The following UNC13C variants were observed in gnomAD, a reference collection of about 807,000 sequenced individuals.
UNC13C encodes unc-13 homolog C, also known as protein unc-13 homolog C.
A neutral mutation model predicts 245.4 loss-of-function variants in UNC13C; 174 were observed. The observed-to-expected ratio is 0.71, with a 90% CI of 0.63 to 0.80. The LOEUF (loss-of-function observed/expected upper bound fraction) is 0.80. Among genes scored for constraint, UNC13C ranks in the 30% least tolerant of loss-of-function variants. The pLI, the probability that UNC13C is intolerant of heterozygous loss-of-function variation, is 0.00. For synonymous variants in UNC13C, 992 were observed against 895.1 expected (o/e 1.11, Z -1.93); for missense variants, 2,829 against 2,602.9 (o/e 1.09, Z -1.89).
chr15:54,041,149 T>C (rs1297203617), intron 2 of UNC13C, among the ~76,000 whole-genome samples: 1 of 152,240 alleles, frequency 6.6e-6, no homozygotes, highest in Non-Finnish European at 1.5e-5. Flanking sequence ...AATGAATACC[T>C]TTCTATATTT....
chr15:53,910,872 C>T, the UNC13C span: 1 of 121,928 alleles, frequency 8.2e-6, no homozygotes, highest in Non-Finnish European at 2.0e-5. Flanking sequence ...TCAACATGAC[C>T]TTTGGCGTAG....
intron 4 of UNC13C, among the ~76,000 whole-genome samples, chr15:54,157,961 C>A (rs1295855269): frequency 6.6e-6 from 1 of 152,132 alleles, no homozygotes; most frequent in Non-Finnish European, 1.5e-5. Flanking sequence ...AGAAAATGTA[C>A]AGATTCAAGC....
At chr15:54,495,659 TAG>T (rs1893915663) in intron 20 of UNC13C, among the ~76,000 whole-genome samples, 2 of 152,118 alleles carry the variant, frequency 1.3e-5, no homozygotes, top group South Asian at 4.1e-4. Flanking sequence ...ATAAAATTAA[TAG>T]AAAGTAATAT....
At chr15:53,920,925 A>T in the UNC13C span, among the ~76,000 whole-genome samples, 1 of 151,538 alleles carries the variant, frequency 6.6e-6, no homozygotes, top group Non-Finnish European at 1.5e-5. Context: ...CCACAACAAT[A>T]AGAGGTGCAT....
At position 54,250,307 on chromosome 15, in the gene UNC13C, C is replaced by T. The variant is rs563857639; in HGVS notation, c.3311C>T (p.Thr1104Met). 1.4e-5 allele frequency: 23 copies of T among 1,613,908 alleles called. No homozygotes were observed. The highest frequency in any genetic ancestry group is 4.4e-5 in the South Asian group (4 of 91,076). ...ATCCCACACAATTTTGAGGTCTGGACGGCTACCACACCCACCTACTGTTAT... is the reference window on the plus strand; with the variant it reads ...ATCCCACACAATTTTGAGGTCTGGATGGCTACCACACCCACCTACTGTTAT... Reference protein sequence around the residue: ...STIPHNFEVWTATTPTYCYEC... With the variant: ...STIPHNFEVWMATTPTYCYEC... The change falls in exon 8 of 33, where the codon ACG (threonine) becomes ATG (methionine). Residue 1104 changes from threonine (T) to methionine (M), a missense_variant. Thr to Met is a moderately conservative substitution (Grantham distance 81). Coordinates refer to ENST00000260323, the MANE Select transcript of UNC13C (RefSeq NM_001080534.3).
At chr15:53,938,839 T>C in the UNC13C span, among the ~76,000 whole-genome samples, 11 of 152,164 alleles carry the variant, frequency 7.2e-5, no homozygotes, top group East Asian at 1.2e-3. Context: ...ATCTCTGGTA[T>C]ACAACTAAAG....
intron 2 of UNC13C, among the ~76,000 whole-genome samples, chr15:54,116,072 A>G (rs1236853155): frequency 1.3e-5 from 2 of 152,156 alleles, no homozygotes; most frequent in Non-Finnish European, 2.9e-5. Context: ...CAGTGGTAAT[A>G]AATACATTTA....
chr15:54,178,225 A>G (rs1211588640), intron 4 of UNC13C, among the ~76,000 whole-genome samples: 1 of 152,054 alleles, frequency 6.6e-6, no homozygotes, highest in African/African-American at 2.4e-5. Flanking sequence ...TTTGAAACAG[A>G]TCTGTTTGTT....
At chr15:54,173,761 A>T (rs2033506466) in intron 4 of UNC13C, among the ~76,000 whole-genome samples, 1 of 152,134 alleles carries the variant, frequency 6.6e-6, no homozygotes, top group Non-Finnish European at 1.5e-5. Flanking sequence ...AATAGAAGTG[A>T]TGACAATGGA....
At position 54,015,039 on chromosome 15, in the gene UNC13C, C is replaced by T. The variant is rs567068067; in HGVS notation, c.2136C>T (p.Tyr712=). 93 of 1,613,036 alleles carry T rather than the reference C, an allele frequency of 5.8e-5. No individual in the cohort carries two copies. Among genetic ancestry groups the T allele is most frequent in the South Asian group, 9.9e-5 (9 of 90,956 alleles). Residue 712 remains tyrosine (Y), a synonymous_variant, in exon 2 of 33, where the codon TAC becomes TAT. Coordinates refer to ENST00000260323, the MANE Select transcript of UNC13C (RefSeq NM_001080534.3). ...HSDLQDDSES[Y]DLTQDDNSSP... ...ATCTTCAAGATGACTCAGAGAGCTA[C>T]GACTTAACTCAAGATGACAATTCTT... is the stretch of plus-strand genomic sequence containing the variant.
chr15:54,618,958 G>A (rs1043857387), intron 30 of UNC13C, among the ~76,000 whole-genome samples: 2 of 152,116 alleles, frequency 1.3e-5, no homozygotes, highest in Non-Finnish European at 2.9e-5. Flanking sequence ...AACATACAGG[G>A]AAATTTAAAA....
the UNC13C span, among the ~76,000 whole-genome samples, chr15:53,892,700 C>T: frequency 5.3e-5 from 8 of 152,054 alleles, no homozygotes; most frequent in East Asian, 3.9e-4. Context: ...ATGAAGTTCT[C>T]GTGCTGTGTT....
chr15:53,871,716 T>C, the UNC13C span, among the ~76,000 whole-genome samples: 3 of 152,206 alleles, frequency 2.0e-5, no homozygotes, highest in African/African-American at 7.2e-5. Flanking sequence ...TCTGAAATTG[T>C]GAATCCCAGA....
intron 4 of UNC13C, among the ~76,000 whole-genome samples, chr15:54,215,601 T>C (rs181427882): frequency 9.2e-5 from 14 of 152,062 alleles, no homozygotes; most frequent in Non-Finnish European, 7.4e-5. Context: ...AGTAATTTAG[T>C]AGAATACAAA....
At chr15:54,394,870 G>A (rs1485541643) in intron 18 of UNC13C, among the ~76,000 whole-genome samples, 4 of 151,828 alleles carry the variant, frequency 2.6e-5, no homozygotes, top group Admixed American at 1.3e-4. Flanking sequence ...TTGACTTTAT[G>A]TAACTGTAGT....
chr15:54,551,046 T>A (rs1314194711), intron 28 of UNC13C, among the ~76,000 whole-genome samples: 1 of 152,128 alleles, frequency 6.6e-6, no homozygotes, highest in Non-Finnish European at 1.5e-5. Context: ...AAGCCAAACA[T>A]AAGCAAACAG....
intron 18 of UNC13C, among the ~76,000 whole-genome samples, chr15:54,405,896 G>A (rs552188894): frequency 3.9e-5 from 6 of 152,232 alleles, no homozygotes; most frequent in African/African-American, 9.6e-5. Flanking sequence ...ATAGTATGGA[G>A]AGAAAAAATT....
intron 19 of UNC13C, among the ~76,000 whole-genome samples, chr15:54,424,080 A>G (rs974723528): frequency 1.3e-5 from 2 of 151,930 alleles, no homozygotes; most frequent in Admixed American, 6.6e-5. Flanking sequence ...TTATTCAGGA[A>G]CAAATGAATA....
At chr15:54,427,481 C>T (rs1046706396) in intron 19 of UNC13C, among the ~76,000 whole-genome samples, 1 of 151,684 alleles carries the variant, frequency 6.6e-6, no homozygotes, top group Non-Finnish European at 1.5e-5. Flanking sequence ...TCTTTATCAG[C>T]AGCATGAAAA....
Sources: gnomAD v4.1 joint callset for allele counts (sites outside exome capture counted in the v4.1 genomes callset) on GRCh38, gnomAD v4.1.1 for gene constraint, MANE v1.5 for transcripts, NCBI Gene and HGNC (gene_info 2026-07-23, HGNC 2026-07-21) for gene names.